Variants in BBS2 observed in about 807,000 individuals in gnomAD.
BBS2 encodes the protein BBSome complex member BBS2.
Under a neutral mutation model 83.0 loss-of-function variants are expected in BBS2, and 62 were observed. The ratio of observed to expected loss-of-function variants is 0.75; its 90% CI spans 0.61 to 0.92. The LOEUF (loss-of-function observed/expected upper bound fraction) is 0.92, where lower values mean the gene tolerates loss of function less well. BBS2 is among the 40% of genes least tolerant of loss of function. The probability of loss-of-function intolerance (pLI) is 0.00; values close to 1 mark genes in which losing one functional copy is unlikely to be tolerated. For synonymous variants in BBS2, 303 were observed against 326.1 expected, an observed-to-expected ratio of 0.93 and a Z score of 0.76; for missense variants, 784 against 901.0, an observed-to-expected ratio of 0.87 and a Z score of 1.66.
In BBS2 at chr16:56,485,654, G is replaced by T. The variant is rs761212514; in HGVS notation, c.1995C>A (p.His665Gln). ...LNGYKIRCNN[H>Q]TELLGNLKAV... ...CTTTGAGGTTTCCCAACAGCTCTGT[G>T]TGATTGTTACAGCGAATTTTATATC... The change falls in exon 16 of 17, where the codon CAC (histidine) becomes CAA (glutamine). Residue 665 changes from histidine to glutamine, a missense_variant. Physicochemically the swap from His to Gln is conservative, Grantham distance 24. Transcript: ENST00000245157. 6.2e-7 allele frequency: 1 copy of T among 1,614,126 alleles called. No homozygotes were observed. Among genetic ancestry groups the T allele is most frequent in the Non-Finnish European group, 8.5e-7 (1 of 1,179,990 alleles).
Position 56,499,849 on chromosome 16 carries a change from G to A in BBS2, c.1456C>T (p.Leu486=), listed in dbSNP as rs780493609. 3.7e-6 allele frequency: 6 copies of A among 1,614,094 alleles called. No individual in the cohort carries two copies. In the Admixed American group the frequency reaches 1.0e-4, roughly 27 times the overall value. The change falls in exon 12 of 17, where the codon CTG becomes TTG. Residue 486 remains leucine, a synonymous_variant. Transcript: ENST00000245157. ...TCACTGGCAGGGTCCAGGCTGGTCA[G>A]CGCATACATGGAGAATCGAGGGAGC... is the stretch of plus-strand genomic sequence containing the variant. ...RQLPRFSMYA[L]TSLDPASEPI... is the part of the protein sequence containing the mutation.
At chr16:56,490,152 AAAT>A (rs769693023) in intron 15 of BBS2, among the ~76,000 whole-genome samples, 36 of 149,800 alleles carry the variant, frequency 2.4e-4, no homozygotes, top group East Asian at 3.9e-4. Context: ...ACACACACAA[AAAT>A]AATAATAATA....
chr16:56,490,883 T>TC (rs1266833907), intron 15 of BBS2, among the ~76,000 whole-genome samples: 1 of 151,484 alleles, frequency 6.6e-6, no homozygotes, highest in African/African-American at 2.4e-5. Context: ...CGCCTCAGCC[T>TC]CCCGAATAGC....
intron 15 of BBS2, among the ~76,000 whole-genome samples, chr16:56,495,800 G>A (rs1345696055): frequency 2.0e-5 from 3 of 148,850 alleles, no homozygotes; most frequent in Non-Finnish European, 4.5e-5. Flanking sequence ...GTATATATAT[G>A]TATATATATA....
chr16:56,491,898 A>G (rs1201019501), intron 15 of BBS2, among the ~76,000 whole-genome samples: 1 of 151,884 alleles, frequency 6.6e-6, no homozygotes, highest in Non-Finnish European at 1.5e-5. Flanking sequence ...GTATCATTTC[A>G]CCTTTGTCAG....
chr16:56,501,020 T>TG lies in BBS2; in HGVS notation c.1230dup (p.Ile411HisfsTer16). ...GCAAAAATCAATACTGCTCGGATGA[T>TG]GGTGTCTGCAGGGAAGAGTAAAAAC... On this transcript the variant is annotated frameshift_variant, in exon 11 of 17. Transcript: ENST00000245157. LOFTEE classifies it high-confidence loss of function. The TG allele has an allele frequency of 6.2e-7, 1 of 1,614,170 alleles. No homozygotes were observed. Among genetic ancestry groups the TG allele is most frequent in the East Asian group, 2.2e-5 (1 of 44,876 alleles).
At chr16:56,495,093 T>G (rs1297789199) in intron 15 of BBS2, among the ~76,000 whole-genome samples, 1 of 152,048 alleles carries the variant, frequency 6.6e-6, no homozygotes, top group East Asian at 1.9e-4. Flanking sequence ...ATGCTGGAGA[T>G]CAACACATTA....
chr16:56,482,351 C>CATTTATTT (rs547265546), downstream of BBS2, among the ~76,000 whole-genome samples: 2 of 152,000 alleles, frequency 1.3e-5, no homozygotes, highest in African/African-American at 4.8e-5. Flanking sequence ...CTGTGAGGCA[C>CATTTATTT]ATTTATTTAT....
At chr16:56,505,101 C>A (rs1229123545) in intron 7 of BBS2, among the ~76,000 whole-genome samples, 1 of 152,318 alleles carries the variant, frequency 6.6e-6, no homozygotes, top group Admixed American at 6.5e-5. Context: ...GCCACCCACC[C>A]TATGGTATTT....
At chr16:56,496,697 T>G (rs1288505797) in intron 15 of BBS2, among the ~76,000 whole-genome samples, 2 of 152,258 alleles carry the variant, frequency 1.3e-5, no homozygotes, top group East Asian at 3.8e-4. Context: ...TTGAGATTTT[T>G]ATAAACAATG....
In BBS2 at chr16:56,485,749, C is replaced by A; in HGVS notation, c.1911-11G>T. 1 of 1,613,532 alleles carries A rather than the reference C, an allele frequency of 6.2e-7. No homozygotes were observed. The highest frequency in any genetic ancestry group is 8.5e-7 in the Non-Finnish European group (1 of 1,179,736). ...CTCTTCATTGTTTTCCTGTGCAAATCAGTAGAAATTTGACATCATTTCATG... is the reference window on the plus strand; with the variant it reads ...CTCTTCATTGTTTTCCTGTGCAAATAAGTAGAAATTTGACATCATTTCATG... On this transcript the variant is annotated splice_polypyrimidine_tract_variant and intron_variant, in intron 15 of 16. Transcript: ENST00000245157.
At chr16:56,507,357 T>C (rs915485791) in intron 5 of BBS2, among the ~76,000 whole-genome samples, 1 of 152,222 alleles carries the variant, frequency 6.6e-6, no homozygotes, top group Non-Finnish European at 1.5e-5. Context: ...TCCCCTCAAA[T>C]CCCTAACTCT....
exon 18 of BBS2, chr16:56,470,538 C>T (rs1198614703): frequency 6.2e-7 from 1 of 1,614,034 alleles, no homozygotes; most frequent in Non-Finnish European, 8.5e-7. Flanking sequence ...TGAAGGAGTG[C>T]ATGAAGTTAT....
rs115716327 is a variant in BBS2, at chr16:56,514,085, G to A, written c.345+368C>T. On this transcript the variant is annotated intron_variant, in intron 2 of 16. Transcript: ENST00000245157. Reference sequence around the variant, plus strand: ...GGTATTAAAGTTGCAGCAGCCTGTAGGTGGCAGGCTACAGTAAGGGCTTCT... The same window carrying A: ...GGTATTAAAGTTGCAGCAGCCTGTAAGTGGCAGGCTACAGTAAGGGCTTCT... Among the ~76,000 whole-genome samples the A allele has an allele frequency of 4.0e-3, 608 of 152,288 alleles. 4 individuals are homozygous for A. The highest frequency in any genetic ancestry group is 0.014 in the African/African-American group (573 of 41,554).
chr16:56,512,796 A>G (rs1459457974), intron 2 of BBS2, among the ~76,000 whole-genome samples: 4 of 152,186 alleles, frequency 2.6e-5, no homozygotes. Context: ...AACTCATTGA[A>G]CTGTACACAG....
intron 15 of BBS2, among the ~76,000 whole-genome samples, chr16:56,489,180 A>C (rs1963869163): frequency 6.6e-6 from 1 of 152,000 alleles, no homozygotes; most frequent in Admixed American, 6.5e-5. Context: ...CTCTACCAAA[A>C]ATAAAAAAAA....
In BBS2 at chr16:56,519,666, G is replaced by T. The variant is rs1336415442; in HGVS notation, c.117+80C>A. On this transcript the variant is annotated intron_variant, in intron 1 of 16. Coordinates refer to ENST00000245157, the MANE Select transcript of BBS2 (RefSeq NM_031885.5). ...CGGGCTGGGGGCGGGGTCGGAGAGG[G>T]GACGGGATCCCAGGGGCGCGGCCGG... 234 of 1,186,462 alleles carry T rather than the reference G, an allele frequency of 2.0e-4. 1 individual carries two copies. The East Asian group carries it at 5.4e-3, about 27-fold the overall frequency. The allele number at this position is 1,186,462 out of a possible 1,614,324, so 73.5% of individuals were successfully genotyped here. A position where few individuals can be genotyped will look rare whatever the true frequency, so the allele number is the denominator to read the frequency against.
intron 15 of BBS2, among the ~76,000 whole-genome samples, chr16:56,486,033 T>TGACA (rs1187961260): frequency 6.6e-6 from 1 of 152,202 alleles, no homozygotes. Flanking sequence ...GTGAGCAAGG[T>TGACA]GACAGCCCAC....
chr16:56,508,498 C>CT (rs1314205232), intron 5 of BBS2, among the ~76,000 whole-genome samples: 1 of 151,984 alleles, frequency 6.6e-6, no homozygotes, highest in Non-Finnish European at 1.5e-5. Context: ...TTATTTTTTT[C>CT]TGTTTGAGTC....
Sources: gnomAD v4.1 joint callset for allele counts (sites outside exome capture counted in the v4.1 genomes callset) on GRCh38, gnomAD v4.1.1 for gene constraint, MANE v1.5 for transcripts, NCBI Gene and HGNC (gene_info 2026-07-23, HGNC 2026-07-21) for gene names.